Variants in MACO1 observed in about 807,000 individuals in gnomAD.
MACO1 encodes macoilin.
In MACO1, 14 loss-of-function variants were observed where a neutral mutation model predicts 78.7. The ratio of observed to expected loss-of-function variants is 0.18; its 90% confidence interval spans 0.12 to 0.28. The LOEUF is 0.28. Among genes scored for constraint, MACO1 ranks in the 10% least tolerant of loss-of-function variants. MACO1 has a pLI of 1.00. For missense variants in MACO1, 501 were observed against 799.0 expected (o/e 0.63, Z 4.50); for synonymous variants, 288 against 291.6 (o/e 0.99, Z 0.12).
intron 9 of MACO1, among the ~76,000 whole-genome samples, chr1:25,490,819 A>G (rs2043479345): frequency 6.6e-6 from 1 of 152,196 alleles, no homozygotes; most frequent in African/African-American, 2.4e-5. Context: ...AAAGATACAC[A>G]TATGCATAAA....
intron 5 of MACO1, among the ~76,000 whole-genome samples, chr1:25,457,462 C>T (rs1383065449): frequency 6.6e-6 from 1 of 151,914 alleles, no homozygotes; most frequent in East Asian, 1.9e-4. Flanking sequence ...TACTATGGAA[C>T]TATGTGAACT....
At chr1:25,460,796 A>G (rs1423171912) in intron 6 of MACO1, among the ~76,000 whole-genome samples, 1 of 152,146 alleles carries the variant, frequency 6.6e-6, no homozygotes, top group Non-Finnish European at 1.5e-5. Context: ...CCTAAGGAGT[A>G]TGCTGCTTCT....
At chr1:25,493,998 T>C (rs907182632) in intron 10 of MACO1, among the ~76,000 whole-genome samples, 1 of 152,212 alleles carries the variant, frequency 6.6e-6, no homozygotes, top group Non-Finnish European at 1.5e-5. Context: ...CCCAAAGTAC[T>C]GGGATTACAG....
At chr1:25,495,307 A>G (rs1236834839) in intron 10 of MACO1, among the ~76,000 whole-genome samples, 4 of 152,252 alleles carry the variant, frequency 2.6e-5, no homozygotes, top group Non-Finnish European at 5.9e-5. Context: ...AAGAAGCCAA[A>G]AGAACTTTTT....
At chr1:25,489,429 C>A in intron 9 of MACO1, 136 bp downstream of exon 9, 1 of 1,036,226 alleles carries the variant, frequency 9.7e-7, no homozygotes, top group Non-Finnish European at 1.3e-6. Context: ...CTCTATGTGA[C>A]AAAAAGATTT....
chr1:25,445,760 C>T (rs954465917), intron 1 of MACO1, among the ~76,000 whole-genome samples: 3 of 151,954 alleles, frequency 2.0e-5, no homozygotes, highest in South Asian at 2.1e-4. Context: ...TACAAAATAC[C>T]GTGCAAGGCT....
chr1:25,451,545 G>A (rs530553000), intron 3 of MACO1, among the ~76,000 whole-genome samples: 1 of 151,416 alleles, frequency 6.6e-6, no homozygotes. Context: ...ATTTGAAAAT[G>A]CATTTTGAAA....
At chr1:25,455,360 A>G (rs1178248800) in intron 4 of MACO1, among the ~76,000 whole-genome samples, 1 of 152,198 alleles carries the variant, frequency 6.6e-6, no homozygotes, top group East Asian at 1.9e-4. Context: ...TGTTTCTCCT[A>G]AACACACCAA....
intron 4 of MACO1, 40 bp from the exon 5 acceptor site, chr1:25,456,613 T>G (rs776970572): frequency 1.9e-6 from 3 of 1,598,022 alleles, no homozygotes; most frequent in Non-Finnish European, 1.7e-6. Context: ...TGTGGTTCAT[T>G]TTAAACCTAC....
At chr1:25,435,996 A>G (rs554223491) in intron 1 of MACO1, among the ~76,000 whole-genome samples, 1 of 152,294 alleles carries the variant, frequency 6.6e-6, no homozygotes, top group East Asian at 1.9e-4. Context: ...TGCTGGGTTG[A>G]GGAGGGGAAC....
At chr1:25,475,659 G>C (rs2043315865) in intron 6 of MACO1, among the ~76,000 whole-genome samples, 1 of 152,078 alleles carries the variant, frequency 6.6e-6, no homozygotes, top group African/African-American at 2.4e-5. Flanking sequence ...GAGTGTCAGT[G>C]AATGCGGAAC....
At chr1:25,484,047 C>T in intron 6 of MACO1, 69 bp from the exon 7 acceptor site, 2 of 1,505,082 alleles carry the variant, frequency 1.3e-6, no homozygotes, top group Non-Finnish European at 1.8e-6. Flanking sequence ...CCAGGACCCC[C>T]ACCAGGTCCC....
At chr1:25,440,275 C>T (rs1009219875) in intron 1 of MACO1, among the ~76,000 whole-genome samples, 12 of 148,880 alleles carry the variant, frequency 8.1e-5, no homozygotes, top group Admixed American at 2.7e-4. Flanking sequence ...GGTATGTGCC[C>T]GTAGTCCTAA....
rs745934400 is a variant in MACO1, at chr1:25,454,278, T to C, written c.369T>C (p.Pro123=). The change falls in exon 4 of 11, where the codon CCT becomes CCC. Residue 123 remains proline (P), a synonymous_variant. Coordinates refer to ENST00000374343, the MANE Select transcript of MACO1 (RefSeq NM_018202.6). ...VWHTERGVCL[P]TVSLWILFVY... Reference sequence around the variant, plus strand: ...TCACAGAAAGGGGAGTGTGTTTGCCTACAGTGTCTCTCTGGATCCTCTTTG... The same window carrying C: ...TCACAGAAAGGGGAGTGTGTTTGCCCACAGTGTCTCTCTGGATCCTCTTTG... The C allele has an allele frequency of 6.2e-7, 1 of 1,603,684 alleles. No homozygotes were observed. Among genetic ancestry groups the C allele is most frequent in the Non-Finnish European group, 8.5e-7 (1 of 1,175,402 alleles).
At chr1:25,491,375 A>G in intron 9 of MACO1, 35 bp from the exon 10 acceptor site, 2 of 1,612,090 alleles carry the variant, frequency 1.2e-6, no homozygotes, top group Admixed American at 3.3e-5. Flanking sequence ...TGCCAAAACT[A>G]CCTTGTAGCA....
chr1:25,477,468 A>C (rs958884414), intron 6 of MACO1, among the ~76,000 whole-genome samples: 8 of 152,206 alleles, frequency 5.3e-5, no homozygotes, highest in African/African-American at 1.9e-4. Context: ...TGTATTGCAG[A>C]GCCTAGAGCC....
At chr1:25,483,837 G>A (rs969287464) in intron 6 of MACO1, among the ~76,000 whole-genome samples, 12 of 152,148 alleles carry the variant, frequency 7.9e-5, no homozygotes, top group African/African-American at 2.9e-4. Context: ...TCCTTTATCA[G>A]CAGCTCGGAT....
At chr1:25,432,201 T>C (rs1251633398) in intron 1 of MACO1, among the ~76,000 whole-genome samples, 2 of 152,222 alleles carry the variant, frequency 1.3e-5, no homozygotes, top group Non-Finnish European at 2.9e-5. Context: ...ACAATTAGCT[T>C]CTCTAGCTGT....
At chr1:25,475,947 T>A (rs1471280868) in intron 6 of MACO1, among the ~76,000 whole-genome samples, 1 of 152,222 alleles carries the variant, frequency 6.6e-6, no homozygotes, top group African/African-American at 2.4e-5. Context: ...TGATTTAATT[T>A]TTTAATGACA....
Sources: allele counts gnomAD v4.1 joint callset (sites outside exome capture counted in the v4.1 genomes callset), GRCh38; gene constraint gnomAD v4.1.1; transcripts MANE v1.5; gene names NCBI Gene and HGNC (gene_info 2026-07-23, HGNC 2026-07-21).